The following FOXP1 variants were observed in gnomAD, a reference collection of about 807,000 sequenced individuals.
FOXP1 encodes the protein forkhead box protein P1.
A neutral mutation model predicts 98.2 loss-of-function variants in FOXP1; 15 were observed. The ratio of observed to expected loss-of-function variants is 0.15; its 90% CI spans 0.10 to 0.24. FOXP1 has a LOEUF of 0.24. FOXP1 is among the 10% of genes least tolerant of loss of function. FOXP1 has a pLI of 1.00. For missense variants in FOXP1, 633 were observed against 848.5 expected (o/e 0.75, Z 3.15); for synonymous variants, 371 against 314.5 (o/e 1.18, Z -1.90).
intron 2 of FOXP1, among the ~76,000 whole-genome samples, chr3:71,531,392 C>T (rs2043835150): frequency 6.6e-6 from 1 of 152,192 alleles, no homozygotes; most frequent in Non-Finnish European, 1.5e-5. Flanking sequence ...CTGTAAACTA[C>T]TGCTATTCTA....
intron 2 of FOXP1, among the ~76,000 whole-genome samples, chr3:71,576,507 TTTAA>T (rs1302261821): frequency 3.9e-5 from 6 of 152,346 alleles, no homozygotes; most frequent in African/African-American, 9.6e-5. Flanking sequence ...TACTTCTGTC[TTTAA>T]TTAAATTTTT....
At chr3:71,368,095 T>C (rs958139933) in intron 3 of FOXP1, among the ~76,000 whole-genome samples, 4 of 152,114 alleles carry the variant, frequency 2.6e-5, no homozygotes, top group African/African-American at 7.2e-5. Flanking sequence ...AGGCTCTTAG[T>C]TGGGATTTAT....
At chr3:71,171,607 T>G (rs1476685699) in intron 6 of FOXP1, among the ~76,000 whole-genome samples, 1 of 152,232 alleles carries the variant, frequency 6.6e-6, no homozygotes, top group Non-Finnish European at 1.5e-5. Context: ...TAAAAGTGAC[T>G]TTCAGTACAC....
At chr3:71,266,840 G>A (rs1390741708) in intron 5 of FOXP1, among the ~76,000 whole-genome samples, 3 of 152,282 alleles carry the variant, frequency 2.0e-5, no homozygotes, top group African/African-American at 7.2e-5. Context: ...TTCTGTTTCT[G>A]AGTTATTTCA....
intron 7 of FOXP1, among the ~76,000 whole-genome samples, chr3:71,111,431 CTT>C (rs926172006): frequency 2.6e-5 from 4 of 152,154 alleles, no homozygotes; most frequent in Non-Finnish European, 5.9e-5. Context: ...GAGTTTCACT[CTT>C]GTCGCCCAGG....
intron 3 of FOXP1, among the ~76,000 whole-genome samples, chr3:71,407,537 T>C (rs1170954580): frequency 6.6e-6 from 1 of 152,204 alleles, no homozygotes; most frequent in Non-Finnish European, 1.5e-5. Flanking sequence ...TGAGTAAACA[T>C]ATGGCCTGAG....
intron 5 of FOXP1, chr3:71,244,820 T>A (rs1318518001): frequency 6.6e-6 from 1 of 151,968 alleles, no homozygotes; most frequent in African/African-American, 2.4e-5. Flanking sequence ...TTAGTTTGAG[T>A]GACAAAGGTC....
chr3:70,966,724 A>G (rs1421596293), intron 19 of FOXP1, among the ~76,000 whole-genome samples: 1 of 152,192 alleles, frequency 6.6e-6, no homozygotes, highest in East Asian at 1.9e-4. Flanking sequence ...GGCAAAGGGA[A>G]GCTCTAACTC....
At chr3:71,161,650 G>T (rs1446366672) in intron 6 of FOXP1, among the ~76,000 whole-genome samples, 3 of 152,204 alleles carry the variant, frequency 2.0e-5, no homozygotes, top group African/African-American at 7.2e-5. Context: ...CTGATTCCCT[G>T]CATGTCAAGC....
chr3:71,052,384 G>A (rs889931803), intron 9 of FOXP1, among the ~76,000 whole-genome samples, 153 bp downstream of exon 9: 5 of 152,146 alleles, frequency 3.3e-5, no homozygotes, highest in African/African-American at 1.2e-4. Context: ...AAAAATCTGA[G>A]TGAAAACAGG....
intron 4 of FOXP1, among the ~76,000 whole-genome samples, chr3:71,353,621 A>G (rs2077946158): frequency 6.6e-6 from 1 of 152,200 alleles, no homozygotes; most frequent in Non-Finnish European, 1.5e-5. Flanking sequence ...CAAGAGTACA[A>G]GTTATGAATT....
intron 3 of FOXP1, among the ~76,000 whole-genome samples, chr3:71,412,687 G>A (rs1202515507): frequency 6.6e-6 from 1 of 152,102 alleles, no homozygotes; most frequent in Non-Finnish European, 1.5e-5. Context: ...CTTAACACAG[G>A]TTGTAGTCCC....
At chr3:71,451,876 G>C (rs1348096408) in intron 3 of FOXP1, among the ~76,000 whole-genome samples, 1 of 152,172 alleles carries the variant, frequency 6.6e-6, no homozygotes, top group Non-Finnish European at 1.5e-5. Flanking sequence ...CTTGCTAGAA[G>C]AACTGTTAAA....
intron 5 of FOXP1, among the ~76,000 whole-genome samples, chr3:71,236,881 AAAAAAG>A (rs554938227): frequency 2.0e-5 from 3 of 151,686 alleles, no homozygotes; most frequent in Non-Finnish European, 4.4e-5. Flanking sequence ...TTAAGGAAAA[AAAAAAG>A]AAAAAGAAAA....
At chr3:71,313,120 C>T (rs367631697) in intron 4 of FOXP1, among the ~76,000 whole-genome samples, 261 of 136,394 alleles carry the variant, frequency 1.9e-3, no homozygotes, top group Non-Finnish European at 3.4e-3. Context: ...AGTGCAGTGG[C>T]GCAATCTCGG....
At chr3:71,314,357 A>C (rs2074920365) in intron 4 of FOXP1, among the ~76,000 whole-genome samples, 1 of 151,972 alleles carries the variant, frequency 6.6e-6, no homozygotes, top group Non-Finnish European at 1.5e-5. Flanking sequence ...GGTGAAACCC[A>C]TCTCTACTAA....
At chr3:71,034,832 TATG>T (rs2047369316) in intron 11 of FOXP1, among the ~76,000 whole-genome samples, 1 of 152,148 alleles carries the variant, frequency 6.6e-6, no homozygotes, top group Non-Finnish European at 1.5e-5. Flanking sequence ...CCTTCAGTCA[TATG>T]ATTTCTACTC....
chr3:71,113,510 C>T (rs1042153661), intron 6 of FOXP1, among the ~76,000 whole-genome samples: 15 of 152,116 alleles, frequency 9.9e-5, no homozygotes, highest in African/African-American at 2.4e-4. Flanking sequence ...GTCAGGAGTT[C>T]GAGAACAGCC....
intron 3 of FOXP1, among the ~76,000 whole-genome samples, chr3:71,469,320 A>G (rs1402639511): frequency 6.6e-6 from 1 of 152,196 alleles, no homozygotes; most frequent in Non-Finnish European, 1.5e-5. Context: ...GGAGGGGAAG[A>G]CTTCAGAACG....
Sources: allele counts gnomAD v4.1 joint callset (sites outside exome capture counted in the v4.1 genomes callset), GRCh38; gene constraint gnomAD v4.1.1; transcripts MANE v1.5; gene names NCBI Gene and HGNC (gene_info 2026-07-23, HGNC 2026-07-21).